LRFN5: variants seen among roughly 807,000 people sequenced by gnomAD.
The protein encoded by LRFN5 is leucine-rich repeat and fibronectin type-III domain-containing protein 5.
Under a neutral mutation model 45.6 loss-of-function variants are expected in LRFN5, and 24 were observed. That is an observed-to-expected ratio of 0.53 (90% CI 0.38 to 0.74). The LOEUF (loss-of-function observed/expected upper bound fraction) is 0.74. Ranked by LOEUF, LRFN5 falls within the 30% of genes least tolerant of loss-of-function variation. LRFN5 has a pLI of 0.00. For synonymous variants in LRFN5, 340 were observed against 313.8 expected, an observed-to-expected ratio of 1.08 and a Z score of -0.88; for missense variants, 776 against 861.5, an observed-to-expected ratio of 0.90 and a Z score of 1.24.
intron 2 of LRFN5, among the ~76,000 whole-genome samples, chr14:41,862,489 T>C (rs1167881955): frequency 6.6e-6 from 1 of 152,214 alleles, no homozygotes; most frequent in Non-Finnish European, 1.5e-5. Flanking sequence ...TTTTTTTTCG[T>C]GATTGCATAT....
chr14:41,830,225 T>C (rs1254229724), intron 2 of LRFN5, among the ~76,000 whole-genome samples: 1 of 151,930 alleles, frequency 6.6e-6, no homozygotes, highest in African/African-American at 2.4e-5. Flanking sequence ...ATGTAGCCCA[T>C]ACAACTTTTC....
chr14:41,626,776 A>G (rs1888349401), intron 1 of LRFN5, among the ~76,000 whole-genome samples: 1 of 152,112 alleles, frequency 6.6e-6, no homozygotes, highest in East Asian at 1.9e-4. Flanking sequence ...ACAACTGTGT[A>G]TTCTAATTTA....
intron 2 of LRFN5, among the ~76,000 whole-genome samples, chr14:41,803,055 C>T (rs1887393676): frequency 1.3e-5 from 2 of 152,000 alleles, no homozygotes; most frequent in Admixed American, 1.3e-4. Flanking sequence ...AAGCTCTTGA[C>T]CTATACCTCC....
intron 2 of LRFN5, among the ~76,000 whole-genome samples, chr14:41,798,733 T>C (rs1035831699): frequency 2.6e-5 from 4 of 152,000 alleles, no homozygotes; most frequent in Non-Finnish European, 4.4e-5. Context: ...AAAGTTTGTA[T>C]AGTAATCTTT....
intron 1 of LRFN5, among the ~76,000 whole-genome samples, chr14:41,702,715 TG>T (rs1417684525): frequency 5.9e-5 from 9 of 151,768 alleles, no homozygotes; most frequent in East Asian, 2.0e-4. Flanking sequence ...TCCTCCTGCT[TG>T]GGCCTCTCAA....
intron 1 of LRFN5, chr14:41,701,612 A>G (rs1230885790): frequency 6.6e-6 from 1 of 152,198 alleles, no homozygotes; most frequent in Non-Finnish European, 1.5e-5. Flanking sequence ...CTGCATGAAT[A>G]TAGGTGTGCT....
chr14:41,656,678 T>G (rs1880396045), intron 1 of LRFN5, among the ~76,000 whole-genome samples: 1 of 151,902 alleles, frequency 6.6e-6, no homozygotes. Flanking sequence ...CCCATTGTTA[T>G]GATTCAAATG....
chr14:41,753,687 A>G (rs565330902), intron 1 of LRFN5, among the ~76,000 whole-genome samples: 2 of 152,288 alleles, frequency 1.3e-5, no homozygotes, highest in South Asian at 4.1e-4. Context: ...GGGGTTTTCT[A>G]GATAAACAAT....
intron 2 of LRFN5, among the ~76,000 whole-genome samples, chr14:41,877,350 G>C (rs1170457442): frequency 6.6e-6 from 1 of 152,072 alleles, no homozygotes; most frequent in African/African-American, 2.4e-5. Context: ...TTTTATGCAG[G>C]CTTCACCTCA....
At chr14:41,680,406 A>T (rs1192942525) in intron 1 of LRFN5, among the ~76,000 whole-genome samples, 1 of 152,190 alleles carries the variant, frequency 6.6e-6, no homozygotes, top group African/African-American at 2.4e-5. Context: ...AGCTCTGTGC[A>T]GCTTGAGACA....
chr14:41,894,969 CAT>C lies in LRFN5; in HGVS notation c.2098+3014_2098+3015del, dbSNP rs750717876. 49 of 965,808 alleles carry C rather than the reference CAT, an allele frequency of 5.1e-5. No individual in the cohort carries two copies. The East Asian group carries it at 2.1e-3, about 41-fold the overall frequency. The allele number at this position is 965,808 out of a possible 1,614,324, so 59.8% of individuals were successfully genotyped here. A position where few individuals can be genotyped will look rare whatever the true frequency, so the allele number is the denominator to read the frequency against. ...TCTGACTATATGAAGATTATATATA[CAT>C]ATATATTATTTTTGCTTCCTCGTTC... On this transcript the variant is annotated intron_variant, in intron 4 of 5. Coordinates refer to ENST00000298119, the MANE Select transcript of LRFN5 (RefSeq NM_152447.5).
At chr14:41,797,011 C>T (rs1228881792) in intron 2 of LRFN5, among the ~76,000 whole-genome samples, 1 of 151,692 alleles carries the variant, frequency 6.6e-6, no homozygotes, top group Non-Finnish European at 1.5e-5. Context: ...ATATTTATCT[C>T]GTGTACTTTC....
intron 2 of LRFN5, among the ~76,000 whole-genome samples, chr14:41,788,725 A>G (rs764232991): frequency 1.3e-4 from 20 of 152,020 alleles, no homozygotes; most frequent in Non-Finnish European, 2.6e-4. Context: ...TTTTCTGCCT[A>G]TAGAGATTCA....
chr14:41,903,567 T>C (rs1295951462), intron 5 of LRFN5, among the ~76,000 whole-genome samples: 8 of 151,608 alleles, frequency 5.3e-5, no homozygotes, highest in Non-Finnish European at 1.2e-4. Flanking sequence ...TTTTATAAAA[T>C]GGCTTTTACA....
chr14:41,848,380 G>GA (rs1178188933), intron 2 of LRFN5, among the ~76,000 whole-genome samples: 1 of 151,834 alleles, frequency 6.6e-6, no homozygotes, highest in African/African-American at 2.4e-5. Flanking sequence ...ACAGGAAAAA[G>GA]AAAAAAGTAA....
intron 1 of LRFN5, among the ~76,000 whole-genome samples, chr14:41,747,651 A>G (rs1003327469): frequency 6.6e-6 from 1 of 152,060 alleles, no homozygotes; most frequent in African/African-American, 2.4e-5. Context: ...TAGCCAACAA[A>G]GAGAAAAATA....
At chr14:41,727,687 A>G (rs1883995025) in intron 1 of LRFN5, among the ~76,000 whole-genome samples, 1 of 152,134 alleles carries the variant, frequency 6.6e-6, no homozygotes, top group Admixed American at 6.6e-5. Context: ...AGCAGCATGT[A>G]TAATACAAAA....
intron 1 of LRFN5, among the ~76,000 whole-genome samples, chr14:41,673,411 C>G (rs1167265908): frequency 1.4e-5 from 2 of 143,918 alleles, no homozygotes; most frequent in African/African-American, 5.5e-5. Flanking sequence ...CCCCCCACCT[C>G]ACTGCCGGAC....
chr14:41,802,719 T>C (rs1236680596), intron 2 of LRFN5, among the ~76,000 whole-genome samples: 1 of 152,158 alleles, frequency 6.6e-6, no homozygotes, highest in African/African-American at 2.4e-5. Flanking sequence ...ATAGTAAAGA[T>C]GACATTCATA....
Sources: allele counts gnomAD v4.1 joint callset (sites outside exome capture counted in the v4.1 genomes callset), GRCh38; gene constraint gnomAD v4.1.1; transcripts MANE v1.5; gene names NCBI Gene and HGNC (gene_info 2026-07-23, HGNC 2026-07-21).